FYB1: variants seen among roughly 807,000 people sequenced by gnomAD.
FYB1 encodes the protein FYN-binding protein 1.
FYB1 carries 41 observed loss-of-function variants against 94.1 expected under a neutral mutation model. The observed-to-expected ratio is 0.44, with a 90% CI of 0.34 to 0.57. The LOEUF is 0.57. Ranked by LOEUF, FYB1 falls within the 20% of genes least tolerant of loss-of-function variation. The pLI is 0.02. For synonymous variants in FYB1, 367 were observed against 353.2 expected, an observed-to-expected ratio of 1.04 and a Z score of -0.44; for missense variants, 1,050 against 976.8, an observed-to-expected ratio of 1.07 and a Z score of -1.00.
intron 3 of FYB1, among the ~76,000 whole-genome samples, chr5:39,143,819 G>A (rs1742400848): frequency 1.3e-5 from 2 of 152,066 alleles, no homozygotes; most frequent in Admixed American, 1.3e-4. Flanking sequence ...GGGACTAACT[G>A]TTAATCTAAT....
intron 16 of FYB1, among the ~76,000 whole-genome samples, chr5:39,117,400 G>A (rs1739677918): frequency 6.6e-6 from 1 of 152,016 alleles, no homozygotes; most frequent in Non-Finnish European, 1.5e-5. Context: ...AACTTTTGAT[G>A]CTTATAGTTC....
At chr5:39,161,796 A>G (rs62358709) in intron 2 of FYB1, among the ~76,000 whole-genome samples, 26,334 of 152,162 alleles carry the variant, frequency 0.17, 2,529 homozygotes, top group Non-Finnish European at 0.22. Context: ...ATTTTAGAAT[A>G]TACACATCAC....
At chr5:39,170,104 T>C in intron 2 of FYB1, 2 of 848,992 alleles carry the variant, frequency 2.4e-6, no homozygotes, top group East Asian at 4.9e-5. Context: ...GATGGTGGCT[T>C]TTTGATTTCA....
At chr5:39,175,415 A>G (rs768320715) in intron 2 of FYB1, among the ~76,000 whole-genome samples, 5 of 152,186 alleles carry the variant, frequency 3.3e-5, no homozygotes, top group Non-Finnish European at 5.9e-5. Flanking sequence ...AAAGTGACTC[A>G]CATGGGCTGG....
chr5:39,201,083 G>T (rs567981604), intron 2 of FYB1, among the ~76,000 whole-genome samples: 8 of 152,128 alleles, frequency 5.3e-5, no homozygotes, highest in Non-Finnish European at 1.0e-4. Flanking sequence ...AATCATAAAA[G>T]TTCAGAAAAC....
chr5:39,123,133 T>C (rs1740284753), intron 13 of FYB1, among the ~76,000 whole-genome samples: 1 of 152,160 alleles, frequency 6.6e-6, no homozygotes, highest in Admixed American at 6.6e-5. Context: ...TCAATGAAGC[T>C]GAAGAGATTG....
At position 39,182,287 on chromosome 5, in the gene FYB1, ATGTGTGTGTGTGTGTGTGTGTGTGTGTG is replaced by A. The variant is rs57111701; in HGVS notation, c.1135+19511_1135+19538del. ...ATGCTTTTTGTGTGTGTGTGCATGCATGTGTGTGTGTGTGTGTGTGTGTGTGTGTGTGTGTGTGTGTGTGTGTGTGTGT... is the reference window on the plus strand; with the variant it reads ...ATGCTTTTTGTGTGTGTGTGCATGCATGTGTGTGTGTGTGTGTGTGTGTGT... On this transcript the variant is annotated intron_variant, in intron 2 of 18. Coordinates refer to ENST00000512982, the MANE Select transcript of FYB1 (RefSeq NM_001465.6). 9.6e-3 allele frequency among the ~76,000 whole-genome samples: 1,344 copies of A among 140,274 alleles called. 51 individuals carry two copies. Among genetic ancestry groups the A allele is most frequent in the Admixed American group, 0.067 (941 of 14,146 alleles). 92.0% of individuals were successfully genotyped at this position (140,274 alleles called of 152,430 possible).
chr5:39,256,036 C>T lies in FYB1; in HGVS notation c.-28+18367G>A, dbSNP rs185687329. ...AGAACAGTTAACATAGTAAGTGCTC[C>T]GTTAAATAGAATCTTTCTTTAATTA... On this transcript the variant is annotated intron_variant, in intron 1 of 1. Transcript: ENST00000510188. Among the ~76,000 whole-genome samples, 416 of 152,228 alleles carry T rather than the reference C, an allele frequency of 2.7e-3. 2 individuals carry two copies. The highest frequency in any genetic ancestry group is 0.01 in the Middle Eastern group (3 of 294).
At chr5:39,210,660 A>G (rs1163001128) in intron 1 of FYB1, among the ~76,000 whole-genome samples, 1 of 152,148 alleles carries the variant, frequency 6.6e-6, no homozygotes, top group African/African-American at 2.4e-5. Context: ...CTGTACAAAT[A>G]GTTTTGACTT....
intron 1 of FYB1, among the ~76,000 whole-genome samples, chr5:39,211,344 G>T (rs1460852340): frequency 2.1e-5 from 3 of 141,756 alleles, no homozygotes; most frequent in Non-Finnish European, 3.0e-5. Context: ...TTTTTGAGAC[G>T]GAGTCTCGCT....
At chr5:39,273,084 C>T (rs1437271394) in intron 1 of FYB1, among the ~76,000 whole-genome samples, 2 of 152,216 alleles carry the variant, frequency 1.3e-5, no homozygotes, top group East Asian at 1.9e-4. Flanking sequence ...TCTGCCCGGC[C>T]GCCCCTTCTG....
At position 39,225,021 on chromosome 5, in the gene FYB1, A is replaced by G. The variant is rs183635707; in HGVS notation, c.-27-22034T>C. On this transcript the variant is annotated intron_variant, in intron 1 of 1. Transcript: ENST00000510188. ...GGGTTTTATTAGTGGACAAAACCTT[A>G]TAAAAGATGTCAGCAATCTTTAAGA... Among the ~76,000 whole-genome samples, 3 of 152,348 alleles carry G rather than the reference A, an allele frequency of 2.0e-5. No individual in the cohort carries two copies. The East Asian group carries it at 5.8e-4, about 29-fold the overall frequency.
intron 1 of FYB1, among the ~76,000 whole-genome samples, chr5:39,271,902 AC>A (rs1316560431): frequency 6.6e-6 from 1 of 152,186 alleles, no homozygotes; most frequent in Non-Finnish European, 1.5e-5. Context: ...GAGGTATGGG[AC>A]CCAGGCATAC....
chr5:39,164,122 GA>G (rs1028489336), intron 2 of FYB1, among the ~76,000 whole-genome samples: 1 of 152,170 alleles, frequency 6.6e-6, no homozygotes, highest in African/African-American at 2.4e-5. Flanking sequence ...CAGGGAGAGA[GA>G]GGGGCAAACA....
At chr5:39,267,213 G>A (rs1276201181) in intron 1 of FYB1, among the ~76,000 whole-genome samples, 3 of 152,178 alleles carry the variant, frequency 2.0e-5, no homozygotes, top group Non-Finnish European at 2.9e-5. Flanking sequence ...CAATCACTAG[G>A]AGTTTCTATG....
intron 1 of FYB1, among the ~76,000 whole-genome samples, chr5:39,258,373 G>T (rs777200869): frequency 6.6e-6 from 1 of 152,186 alleles, no homozygotes; most frequent in Non-Finnish European, 1.5e-5. Context: ...GCTGAGGTAG[G>T]CAGATCACCT....
chr5:39,115,518 C>T (rs1362667007), intron 16 of FYB1, among the ~76,000 whole-genome samples: 1 of 152,052 alleles, frequency 6.6e-6, no homozygotes, highest in Non-Finnish European at 1.5e-5. Flanking sequence ...ATGTGCTCGC[C>T]TAAATACTAT....
At chr5:39,198,914 C>A (rs1027313410) in intron 2 of FYB1, among the ~76,000 whole-genome samples, 1 of 151,892 alleles carries the variant, frequency 6.6e-6, no homozygotes, top group Non-Finnish European at 1.5e-5. Context: ...TACAGGGGCA[C>A]GATGGTACAT....
upstream of FYB1, among the ~76,000 whole-genome samples, chr5:39,221,173 G>A (rs998488767): frequency 6.6e-6 from 1 of 152,080 alleles, no homozygotes; most frequent in Non-Finnish European, 1.5e-5. Context: ...GTAGCTTCTT[G>A]GTGTGTCCTA....
Sources: allele counts gnomAD v4.1 joint callset (sites outside exome capture counted in the v4.1 genomes callset), GRCh38; gene constraint gnomAD v4.1.1; transcripts MANE v1.5; gene names NCBI Gene and HGNC (gene_info 2026-07-23, HGNC 2026-07-21).